The following ANAPC7 variants were observed in gnomAD, a reference collection of about 807,000 sequenced individuals.
The protein encoded by ANAPC7 is anaphase promoting complex subunit 7, also known as anaphase-promoting complex subunit 7.
Under a neutral mutation model 63.3 loss-of-function variants are expected in ANAPC7, and 25 were observed. The observed-to-expected ratio is 0.39, with a 90% CI of 0.29 to 0.55. The LOEUF (loss-of-function observed/expected upper bound fraction) is 0.55, where lower values mean the gene tolerates loss of function less well. ANAPC7 is among the 20% of genes least tolerant of loss of function. The pLI is 0.57. For missense variants in ANAPC7, 516 were observed against 691.7 expected (o/e 0.75, Z 2.85); for synonymous variants, 241 against 251.7 (o/e 0.96, Z 0.40).
At chr12:110,399,585 C>G (rs1260272553) in intron 1 of ANAPC7, among the ~76,000 whole-genome samples, 1 of 151,882 alleles carries the variant, frequency 6.6e-6, no homozygotes, top group Non-Finnish European at 1.5e-5. Context: ...GGAGTTAGAT[C>G]ATGGTGATGA....
At chr12:110,390,454 AAAGGTC>A (rs547284708) in intron 3 of ANAPC7, among the ~76,000 whole-genome samples, 111 of 152,276 alleles carry the variant, frequency 7.3e-4, no homozygotes, top group African/African-American at 2.6e-3. Flanking sequence ...ACAAAAGAAA[AAAGGTC>A]AACCCCCAAT....
At chr12:110,402,973 C>T (rs1267097163) in intron 1 of ANAPC7, among the ~76,000 whole-genome samples, 1 of 149,750 alleles carries the variant, frequency 6.7e-6, no homozygotes, top group Non-Finnish European at 1.5e-5. Context: ...AACTCCTGGG[C>T]TCAAGCGATC....
At chr12:110,387,657 T>A in intron 5 of ANAPC7, 82 bp downstream of exon 5, 1 of 1,494,302 alleles carries the variant, frequency 6.7e-7, no homozygotes, top group Non-Finnish European at 9.1e-7. Flanking sequence ...CATCTCATTT[T>A]TCTTTTTGCT....
intron 1 of ANAPC7, among the ~76,000 whole-genome samples, chr12:110,402,723 C>T (rs747009521): frequency 6.6e-6 from 1 of 152,000 alleles, no homozygotes; most frequent in Non-Finnish European, 1.5e-5. Context: ...CCACGCCCAC[C>T]CATTAATGGA....
In ANAPC7 at chr12:110,373,975, G is replaced by C. The variant is rs954412727; in HGVS notation, c.*169C>G. ...ATACATGGAAGGTTGGTCAGGCTCT[G>C]TTTTAGAAATGAAGTCACGACTAGG... On this transcript the variant is annotated 3_prime_UTR_variant, in exon 11 of 11. Coordinates refer to ENST00000455511, the MANE Select transcript of ANAPC7 (RefSeq NM_016238.3). 2.4e-5 allele frequency: 17 copies of C among 723,314 alleles called. No homozygotes were observed. Among genetic ancestry groups the C allele is most frequent in the Non-Finnish European group, 3.5e-5 (17 of 478,926 alleles). 44.8% of individuals were successfully genotyped at this position (723,314 alleles called of 1,614,324 possible). A position where few individuals can be genotyped will look rare whatever the true frequency, so the allele number is the denominator to read the frequency against.
chr12:110,377,372 C>G (rs549579155), intron 9 of ANAPC7, 21 bp downstream of exon 9: 2 of 1,600,268 alleles, frequency 1.2e-6, no homozygotes, highest in East Asian at 2.2e-5. Context: ...ATGAACAGGA[C>G]AGAAAATAAG....
chr12:110,375,581 T>G, intron 10 of ANAPC7: 1 of 780,186 alleles, frequency 1.3e-6, no homozygotes, highest in Non-Finnish European at 1.6e-6. Flanking sequence ...TCATTTAATA[T>G]CTAATAAGGT....
At chr12:110,376,488 G>A (rs960856914) in intron 9 of ANAPC7, among the ~76,000 whole-genome samples, 1 of 148,808 alleles carries the variant, frequency 6.7e-6, no homozygotes, top group South Asian at 2.1e-4. Flanking sequence ...TGAATGGCCT[G>A]AACCCAGGAG....
Position 110,382,860 on chromosome 12 carries a change from T to G in ANAPC7, c.918A>C (p.Glu306Asp), listed in dbSNP as rs1345690523. The change falls in exon 7 of 11, where the codon GAA (glutamate) becomes GAC (aspartate). Residue 306 changes from glutamate to aspartate, a missense_variant. Glu to Asp is a conservative substitution (Grantham distance 45). Transcript: ENST00000455511. ...AATCATACCCAGAAACCACCCACGG[T>G]TCTGCATGCTGATCAGAGATATTGA... Reference protein sequence around the residue: ...RLFNISDQHAEPWVVSGCHSF... With the variant: ...RLFNISDQHADPWVVSGCHSF... 2 of 1,613,534 alleles carry G rather than the reference T, an allele frequency of 1.2e-6. No individual in the cohort carries two copies. Among genetic ancestry groups the G allele is most frequent in the African/African-American group, 2.7e-5 (2 of 74,910 alleles).
chr12:110,377,136 C>CA (rs35149960), intron 9 of ANAPC7, among the ~76,000 whole-genome samples: 1,449 of 45,636 alleles, frequency 0.032, 17 homozygotes, highest in African/African-American at 0.045. Context: ...GATGCCGTCT[C>CA]AAAAAAAAAA....
At chr12:110,377,673 C>A (rs774182769) in intron 8 of ANAPC7, 56 bp from the exon 9 acceptor site, 65 of 1,607,698 alleles carry the variant, frequency 4.0e-5, no homozygotes, top group Non-Finnish European at 4.8e-5. Flanking sequence ...CCAACCCATG[C>A]TTCCACTCTG....
At chr12:110,382,455 AAAAAAAAT>A (rs1392429322) in intron 7 of ANAPC7, among the ~76,000 whole-genome samples, 63 of 70,452 alleles carry the variant, frequency 8.9e-4, no homozygotes, top group South Asian at 1.7e-3. Flanking sequence ...AAAAAAAAAA[AAAAAAAAT>A]ATATATATAT....
chr12:110,377,357 TA>T, intron 9 of ANAPC7, 35 bp downstream of exon 9: 2 of 1,579,294 alleles, frequency 1.3e-6, no homozygotes, highest in Non-Finnish European at 1.7e-6. Flanking sequence ...TTATAAAAAT[TA>T]ATGATGAACA....
intron 3 of ANAPC7, among the ~76,000 whole-genome samples, chr12:110,394,401 C>G (rs1402069995): frequency 6.6e-6 from 1 of 151,198 alleles, no homozygotes; most frequent in Non-Finnish European, 1.5e-5. Flanking sequence ...CCGAGGTGGG[C>G]GGATCACCTG....
intron 1 of ANAPC7, among the ~76,000 whole-genome samples, chr12:110,401,950 CAAAAAAAAAAAAAA>C (rs747810973): frequency 2.2e-5 from 1 of 46,108 alleles, no homozygotes; most frequent in Non-Finnish European, 4.2e-5. Flanking sequence ...GACTCCGTCT[CAAAAAAAAAAAAAA>C]AAAAAAAAAA....
At chr12:110,393,257 C>A (rs565359889) in intron 3 of ANAPC7, among the ~76,000 whole-genome samples, 1 of 152,248 alleles carries the variant, frequency 6.6e-6, no homozygotes, top group Non-Finnish European at 1.5e-5. Context: ...CAAATGTGTA[C>A]ACCTATGGAA....
chr12:110,373,945 T>G lies in ANAPC7; in HGVS notation c.*199A>C. 4.3e-5 allele frequency: 23 copies of G among 528,868 alleles called. No individual in the cohort carries two copies. The highest frequency in any genetic ancestry group is 8.5e-5 in the South Asian group (2 of 23,668). The allele number at this position is 528,868 out of a possible 1,614,324, so 32.8% of individuals were successfully genotyped here. A position where few individuals can be genotyped will look rare whatever the true frequency, so the allele number is the denominator to read the frequency against. On this transcript the variant is annotated 3_prime_UTR_variant, in exon 11 of 11. Coordinates refer to ENST00000455511, the MANE Select transcript of ANAPC7 (RefSeq NM_016238.3). ...CCTCCCTGGCTGGAGCAGGGGAGGA[T>G]GGAGATACATGGAAGGTTGGTCAGG...
Position 110,388,559 on chromosome 12 carries a change from T to A in ANAPC7, c.473A>T (p.Tyr158Phe). ...AGQERPSVTS[Y>F]KEVLRQCPLA... ...TGGGCACTGCCTCAGCACCTCCTTA[T>A]AGCTGGTGACTGAAGGGCGCTCCTG... is the stretch of plus-strand genomic sequence containing the variant. The change falls in exon 4 of 11, where the codon TAT becomes TTT. Residue 158 changes from tyrosine (Y) to phenylalanine (F), a missense_variant. Physicochemically the swap from Tyr to Phe is conservative, Grantham distance 22. This residue lies in a region of ANAPC7 where 185 missense variants were observed against 200.3 expected (regional missense o/e 0.92). Coordinates refer to ENST00000455511, the MANE Select transcript of ANAPC7 (RefSeq NM_016238.3). 1 of 1,614,190 alleles carries A rather than the reference T, an allele frequency of 6.2e-7. No homozygotes were observed. The highest frequency in any genetic ancestry group is 8.5e-7 in the Non-Finnish European group (1 of 1,180,034).
intron 3 of ANAPC7, among the ~76,000 whole-genome samples, chr12:110,394,037 G>A (rs570043139): frequency 6.7e-6 from 1 of 148,522 alleles, no homozygotes; most frequent in Non-Finnish European, 1.5e-5. Flanking sequence ...TTAGCTGGGC[G>A]TGGTGGCGGG....
Sources: allele counts gnomAD v4.1 joint callset (sites outside exome capture counted in the v4.1 genomes callset), GRCh38; gene constraint gnomAD v4.1.1; regional missense constraint gnomAD v4.1.1; transcripts MANE v1.5; gene names NCBI Gene and HGNC (gene_info 2026-07-23, HGNC 2026-07-21).